AHRR: variants seen among roughly 807,000 people sequenced by gnomAD.
AHRR encodes the protein ahR repressor.
In AHRR, 28 loss-of-function variants were observed where a neutral mutation model predicts 44.0. The ratio of observed to expected loss-of-function variants is 0.64; its 90% confidence interval spans 0.47 to 0.87. The LOEUF is 0.87. Ranked by LOEUF, AHRR falls within the 40% of genes least tolerant of loss-of-function variation. The pLI is 0.00. For missense variants in AHRR, 990 were observed against 953.9 expected (o/e 1.04, Z -0.50); for synonymous variants, 434 against 407.0 (o/e 1.07, Z -0.80).
Position 326,223 on chromosome 5 carries a change from C to T in AHRR, c.-11+4404C>T, listed in dbSNP as rs112790635. 5.9e-5 allele frequency among the ~76,000 whole-genome samples: 9 copies of T among 152,352 alleles called. No homozygotes were observed. The highest frequency in any genetic ancestry group is 2.2e-4 in the African/African-American group (9 of 41,584). On this transcript the variant is annotated intron_variant, in intron 1 of 10. Coordinates refer to ENST00000684583, the MANE Select transcript of AHRR (RefSeq NM_001377236.1). This position sits in a 1 kb window ranked among gnomAD's most constrained non-coding sequence, Gnocchi z 4.1. Reference sequence around the variant, plus strand: ...TAGCTCCAAAACCTCTTCATCGCCTCCGGCAGTGCTCACCCACCAGGCAGT... The same window carrying T: ...TAGCTCCAAAACCTCTTCATCGCCTTCGGCAGTGCTCACCCACCAGGCAGT...
At chr5:322,489 A>T (rs1384852060) in intron 1 of AHRR, 1 of 151,954 alleles carries the variant, frequency 6.6e-6, no homozygotes, top group Non-Finnish European at 1.5e-5. Flanking sequence ...TGGCAAGGGC[A>T]GGCGGGGAGG....
Position 419,633 on chromosome 5 carries a change from A to G in AHRR, c.442-3096A>G, listed in dbSNP as rs1178939596. On this transcript the variant is annotated intron_variant, in intron 5 of 10. Transcript: ENST00000684583. The surrounding 1 kb of genome is among the most constrained non-coding windows in gnomAD (Gnocchi z 4.4). ...CTCGCACAGGAGTGTTTGGAGCCAT[A>G]TTTCCCATTGTCCTGGCAAAGCCGG... is the stretch of plus-strand genomic sequence containing the variant. Among the ~76,000 whole-genome samples the G allele has an allele frequency of 6.6e-6, 1 of 152,014 alleles. No individual in the cohort carries two copies. Among genetic ancestry groups the G allele is most frequent in the Non-Finnish European group, 1.5e-5 (1 of 68,014 alleles).
At position 337,862 on chromosome 5, in the gene AHRR, G is replaced by GA; in HGVS notation, c.-10-6025dup. Among the ~76,000 whole-genome samples, 1 of 152,272 alleles carries GA rather than the reference G, an allele frequency of 6.6e-6. No individual in the cohort carries two copies. The highest frequency in any genetic ancestry group is 1.5e-5 in the Non-Finnish European group (1 of 68,016). ...CTATGGCAGTGGTGAGCAGGAACAC[G>GA]AAAAAATAGGAAGCACTGGAACCAG... On this transcript the variant is annotated intron_variant, in intron 1 of 10. Transcript: ENST00000684583. The surrounding 1 kb of genome is among the most constrained non-coding windows in gnomAD (Gnocchi z 4.1).
At chr5:368,314 G>A (rs1157639370) in intron 3 of AHRR, among the ~76,000 whole-genome samples, 1 of 152,178 alleles carries the variant, frequency 6.6e-6, no homozygotes, top group East Asian at 1.9e-4. Context: ...GTGGGCCAGG[G>A]CGCTCCCTGG....
intron 4 of AHRR, among the ~76,000 whole-genome samples, chr5:389,302 G>C (rs1734305355): frequency 6.6e-6 from 1 of 152,218 alleles, no homozygotes; most frequent in South Asian, 2.1e-4. Context: ...GAACCAGGCA[G>C]CATCCACAGT....
Position 406,117 on chromosome 5 carries a change from A to G in AHRR, c.352-7227A>G, listed in dbSNP as rs1208159038. On this transcript the variant is annotated intron_variant, in intron 4 of 10. Transcript: ENST00000684583. This position sits in a 1 kb window ranked among gnomAD's most constrained non-coding sequence, Gnocchi z 4.7. ...AAAAAAACTAGGGAGAAAACGGGAA[A>G]GGAAAGGCATTGTCCGGAAGAAGCC... Among the ~76,000 whole-genome samples the G allele has an allele frequency of 3.9e-5, 6 of 152,230 alleles. No individual in the cohort carries two copies. Among genetic ancestry groups the G allele is most frequent in the Non-Finnish European group, 7.3e-5 (5 of 68,038 alleles).
Position 388,359 on chromosome 5 carries a change from C to T in AHRR, c.351+11643C>T, listed in dbSNP as rs1381719505. ...GCCCCAAGACTGTGAAGCTCATGGA[C>T]TCACGCAGCCATCCATCGATGGCTA... On this transcript the variant is annotated intron_variant, in intron 4 of 10. Transcript: ENST00000684583. This position sits in a 1 kb window ranked among gnomAD's most constrained non-coding sequence, Gnocchi z 5.2. Among the ~76,000 whole-genome samples the T allele has an allele frequency of 6.6e-6, 1 of 152,248 alleles. No individual in the cohort carries two copies. Among genetic ancestry groups the T allele is most frequent in the Non-Finnish European group, 1.5e-5 (1 of 68,044 alleles).
At chr5:415,574 GTC>G (rs1491204249) in intron 5 of AHRR, among the ~76,000 whole-genome samples, 9 of 148,536 alleles carry the variant, frequency 6.1e-5, no homozygotes, top group African/African-American at 2.3e-4. Context: ...AATCTGCCTG[GTC>G]TGCTGGGAGG....
At chr5:428,088 GTCT>G (rs1736552066) in intron 8 of AHRR, 82 bp downstream of exon 8, 2 of 1,434,242 alleles carry the variant, frequency 1.4e-6, no homozygotes, top group Non-Finnish European at 1.9e-6. Flanking sequence ...TGTTTTCTGT[GTCT>G]TCTTTCTTCA....
intron 4 of AHRR, among the ~76,000 whole-genome samples, chr5:400,702 T>G (rs941971616): frequency 6.6e-6 from 1 of 152,210 alleles, no homozygotes; most frequent in African/African-American, 2.4e-5. Context: ...AATCTGATAT[T>G]GAATCCATAT....
intron 7 of AHRR, 90 bp from the exon 8 acceptor site, chr5:427,717 C>A: frequency 1.9e-6 from 3 of 1,613,814 alleles, no homozygotes; most frequent in Non-Finnish European, 2.5e-6. Flanking sequence ...CGAATTCCAG[C>A]CGCTGTCGCG....
intron 4 of AHRR, among the ~76,000 whole-genome samples, chr5:380,821 C>T (rs1356709035): frequency 6.6e-6 from 1 of 152,158 alleles, no homozygotes; most frequent in Non-Finnish European, 1.5e-5. Context: ...GAGGAATTGG[C>T]TTACATGATC....
intron 4 of AHRR, among the ~76,000 whole-genome samples, chr5:399,601 G>C (rs898512616): frequency 2.0e-5 from 3 of 152,116 alleles, no homozygotes; most frequent in Non-Finnish European, 4.4e-5. Context: ...CCCATCTTTC[G>C]CAGGAGGAAA....
In AHRR at chr5:347,104, G is replaced by A. The variant is rs574833096; in HGVS notation, c.62+3140G>A. On this transcript the variant is annotated intron_variant, in intron 2 of 10. Transcript: ENST00000684583. ...CCTCCTCCCCACGCCCCAGCACATA[G>A]TGTATTTCAGATATTGGTGATTTTA... Among the ~76,000 whole-genome samples, 16 of 152,298 alleles carry A rather than the reference G, an allele frequency of 1.1e-4. No homozygotes were observed. The South Asian group carries it at 3.1e-3, about 30-fold the overall frequency.
chr5:362,822 A>G (rs1743227144), intron 3 of AHRR, among the ~76,000 whole-genome samples: 1 of 152,224 alleles, frequency 6.6e-6, no homozygotes, highest in East Asian at 1.9e-4. Context: ...TTACTCACTC[A>G]TTCCTGGTGC....
chr5:432,809 G>A lies in AHRR; in HGVS notation c.974G>A (p.Arg325Lys), dbSNP rs1455127524. The change falls in exon 10 of 11, where the codon AGG (arginine) becomes AAG (lysine). Residue 325 changes from arginine (R) to lysine (K), a missense_variant. Coordinates refer to ENST00000684583, the MANE Select transcript of AHRR (RefSeq NM_001377236.1). Reference sequence around the variant, plus strand: ...CCCCCCCTCTAAACCCCAACAGGAAGGAGCAGCAGAGAGAGCGGCGTTTTG... The same window carrying A: ...CCCCCCCTCTAAACCCCAACAGGAAAGAGCAGCAGAGAGAGCGGCGTTTTG... ...LHGKPNYSAG[R>K]SSRESGVLVL... 1.2e-6 allele frequency: 2 copies of A among 1,613,914 alleles called. No individual in the cohort carries two copies. Among genetic ancestry groups the A allele is most frequent in the East Asian group, 4.5e-5 (2 of 44,870 alleles).
chr5:398,004 C>T (rs1366588205), intron 4 of AHRR, among the ~76,000 whole-genome samples: 89 of 131,266 alleles, frequency 6.8e-4, no homozygotes, highest in African/African-American at 2.0e-3. Flanking sequence ...TGACCATCCA[C>T]GTAGCCCCTG....
At chr5:376,557 A>AAGGCGGGGAAACACAGGAAAGAT in intron 3 of AHRR, 53 bp from the exon 4 acceptor site, 1 of 1,423,180 alleles carries the variant, frequency 7.0e-7, no homozygotes, top group Non-Finnish European at 9.5e-7. Flanking sequence ...AATGAAGAAG[A>AAGGCGGGGAAACACAGGAAAGAT]GTGGCCAGGC....
intron 1 of AHRR, among the ~76,000 whole-genome samples, chr5:335,171 G>T (rs1419431422): frequency 6.6e-6 from 1 of 152,140 alleles, no homozygotes; most frequent in Non-Finnish European, 1.5e-5. Flanking sequence ...TGATTCTTGG[G>T]CCTCTGGGTG....
Sources: allele counts gnomAD v4.1 joint callset (sites outside exome capture counted in the v4.1 genomes callset), GRCh38; gene constraint gnomAD v4.1.1; non-coding constraint Gnocchi (gnomAD v3.1); transcripts MANE v1.5; gene names NCBI Gene and HGNC (gene_info 2026-07-23, HGNC 2026-07-21).